The following COL21A1 variants were observed in gnomAD, a reference collection of about 807,000 sequenced individuals.
COL21A1 encodes collagen alpha-1(XXI) chain.
A neutral mutation model predicts 137.9 loss-of-function variants in COL21A1; 149 were observed. The ratio of observed to expected loss-of-function variants is 1.08; its 90% CI spans 0.95 to 1.24. COL21A1 has a LOEUF of 1.24. COL21A1 is among the 50% of genes most tolerant of loss of function. The pLI, the probability that COL21A1 is intolerant of heterozygous loss-of-function variation, is 0.00. For synonymous variants in COL21A1, 456 were observed against 391.5 expected, an observed-to-expected ratio of 1.16 and a Z score of -1.95; for missense variants, 1,167 against 1,158.4, an observed-to-expected ratio of 1.01 and a Z score of -0.11.
chr6:56,207,229 C>CA (rs1173633367), intron 1 of COL21A1, among the ~76,000 whole-genome samples: 8 of 151,948 alleles, frequency 5.3e-5, no homozygotes, highest in African/African-American at 1.7e-4. Context: ...AAAAACCCTT[C>CA]AAAAAATCCA....
upstream of COL21A1, among the ~76,000 whole-genome samples, chr6:56,251,981 T>C (rs1782865067): frequency 6.6e-6 from 1 of 152,228 alleles, no homozygotes; most frequent in Non-Finnish European, 1.5e-5. Context: ...GACAGAGAAT[T>C]TGGCTTTTCT....
intron 1 of COL21A1, among the ~76,000 whole-genome samples, chr6:56,235,143 C>T (rs1562011728): frequency 6.6e-6 from 1 of 151,788 alleles, no homozygotes; most frequent in Non-Finnish European, 1.5e-5. Context: ...GTAATAAACA[C>T]CATAAACTTA....
At chr6:56,305,101 T>A (rs1041741737) in intron 1 of COL21A1, among the ~76,000 whole-genome samples, 11 of 152,232 alleles carry the variant, frequency 7.2e-5, no homozygotes, top group Admixed American at 2.6e-4. Flanking sequence ...TGAGAGACAG[T>A]TTGTTACAAT....
rs373404784 is a variant in COL21A1, at chr6:56,141,780, T to C, written c.1542+5A>G. The C allele has an allele frequency of 3.2e-5, 52 of 1,613,604 alleles. No homozygotes were observed. Among genetic ancestry groups the C allele is most frequent in the East Asian group, 1.3e-4 (6 of 44,868 alleles). The stretch of plus-strand genomic sequence containing the variant: ...ACCATTGATTGCATTTTTGTGTGTG[T>C]TTACCTTGTCACCATCTCGCCCTGG... On this transcript the variant is annotated splice_donor_5th_base_variant and intron_variant, in intron 12 of 29. Coordinates refer to ENST00000244728, the MANE Select transcript of COL21A1 (RefSeq NM_030820.4).
chr6:56,232,606 C>G (rs1157456333), intron 1 of COL21A1, among the ~76,000 whole-genome samples: 1 of 151,942 alleles, frequency 6.6e-6, no homozygotes, highest in Non-Finnish European at 1.5e-5. Context: ...GCAGAAACAG[C>G]TGCACTGGAC....
rs1314451383 is a variant in COL21A1, at chr6:56,179,740, C to T, written c.478G>A (p.Asp160Asn). ...DVKDAAQAAR[D>N]SKITLFAIGV... is the part of the protein sequence containing the mutation. ...ATAGCAAATAATGTTATCTTACTATCTCTTGCTGCTTGAGCTGCATCCTTG... is the reference window on the plus strand; with the variant it reads ...ATAGCAAATAATGTTATCTTACTATTTCTTGCTGCTTGAGCTGCATCCTTG... The change falls in exon 3 of 30, where the codon GAT becomes AAT. Residue 160 changes from aspartate (D) to asparagine (N), a missense_variant. Physicochemically the swap from Asp to Asn is conservative, Grantham distance 23. Coordinates refer to ENST00000244728, the MANE Select transcript of COL21A1 (RefSeq NM_030820.4). 6.2e-7 allele frequency: 1 copy of T among 1,613,950 alleles called. No homozygotes were observed. Among genetic ancestry groups the T allele is most frequent in the Admixed American group, 1.7e-5 (1 of 60,012 alleles).
intron 18 of COL21A1, among the ~76,000 whole-genome samples, chr6:56,076,476 TA>T (rs1289280886): frequency 2.7e-5 from 4 of 146,524 alleles, no homozygotes; most frequent in African/African-American, 7.5e-5. Flanking sequence ...TTTTTTAAAT[TA>T]AAAAAACAGA....
At chr6:56,179,320 T>A (rs1366517755) in intron 3 of COL21A1, among the ~76,000 whole-genome samples, 1 of 152,108 alleles carries the variant, frequency 6.6e-6, no homozygotes, top group Non-Finnish European at 1.5e-5. Flanking sequence ...GGAAAAATAA[T>A]AAATGTTACA....
intron 17 of COL21A1, among the ~76,000 whole-genome samples, chr6:56,092,148 G>C (rs924121531): frequency 5.9e-5 from 9 of 151,938 alleles, no homozygotes; most frequent in Middle Eastern, 3.4e-3. Flanking sequence ...GGCCTCAATT[G>C]TTGTTATAGT....
intron 24 of COL21A1, among the ~76,000 whole-genome samples, chr6:56,062,092 C>G (rs1333796773): frequency 6.6e-6 from 1 of 151,990 alleles, no homozygotes; most frequent in South Asian, 2.1e-4. Flanking sequence ...AGTTTATGTT[C>G]TTAAAATTAA....
chr6:56,265,525 C>T (rs1342741090), intron 1 of COL21A1, among the ~76,000 whole-genome samples: 1 of 152,206 alleles, frequency 6.6e-6, no homozygotes, highest in African/African-American at 2.4e-5. Context: ...CCCATCCCCA[C>T]TGCAAAGTGA....
At chr6:56,322,328 G>A (rs979542822) in intron 1 of COL21A1, among the ~76,000 whole-genome samples, 4 of 152,148 alleles carry the variant, frequency 2.6e-5, no homozygotes, top group African/African-American at 9.7e-5. Flanking sequence ...ATTGGGCTAC[G>A]AAGTTTTGCC....
At chr6:56,191,655 A>G (rs1020275458) in intron 1 of COL21A1, among the ~76,000 whole-genome samples, 2 of 143,604 alleles carry the variant, frequency 1.4e-5, no homozygotes, top group Non-Finnish European at 3.0e-5. Flanking sequence ...TATTGCTACA[A>G]AGAGAATAAA....
chr6:56,302,606 T>C (rs1333595691), intron 1 of COL21A1, among the ~76,000 whole-genome samples: 1 of 152,150 alleles, frequency 6.6e-6, no homozygotes, highest in Non-Finnish European at 1.5e-5. Flanking sequence ...TTTGTTAGAG[T>C]TCATTGTAGA....
chr6:56,079,209 T>A (rs1010581863), intron 17 of COL21A1, among the ~76,000 whole-genome samples: 1 of 151,638 alleles, frequency 6.6e-6, no homozygotes, highest in African/African-American at 2.4e-5. Context: ...TGTAAATTCT[T>A]CTCAGAAGGA....
intron 1 of COL21A1, among the ~76,000 whole-genome samples, chr6:56,288,787 T>C (rs544841776): frequency 3.0e-4 from 45 of 152,296 alleles, no homozygotes; most frequent in Non-Finnish European, 5.0e-4. Context: ...TAGACAATAC[T>C]GTGCTAAAAG....
At chr6:56,363,445 G>T (rs1471957983) in intron 1 of COL21A1, among the ~76,000 whole-genome samples, 1 of 152,196 alleles carries the variant, frequency 6.6e-6, no homozygotes, top group Non-Finnish European at 1.5e-5. Context: ...ACTAGGAAAT[G>T]ATAGAATGAG....
chr6:56,094,726 CA>C (rs1769170361), intron 17 of COL21A1, among the ~76,000 whole-genome samples: 1 of 152,118 alleles, frequency 6.6e-6, no homozygotes, highest in Admixed American at 6.6e-5. Context: ...TTGGTTTATG[CA>C]AGAGTGGGGA....
At chr6:56,146,180 T>C (rs1254193405) in intron 10 of COL21A1, among the ~76,000 whole-genome samples, 1 of 152,104 alleles carries the variant, frequency 6.6e-6, no homozygotes, top group Non-Finnish European at 1.5e-5. Flanking sequence ...AAAGAAATAA[T>C]TTTGGATGTC....
Sources: gnomAD v4.1 joint callset for allele counts (sites outside exome capture counted in the v4.1 genomes callset) on GRCh38, gnomAD v4.1.1 for gene constraint, MANE v1.5 for transcripts, NCBI Gene and HGNC (gene_info 2026-07-23, HGNC 2026-07-21) for gene names.